Variants in LIMA1 observed in about 807,000 individuals in gnomAD.
LIMA1 encodes the protein LIM domain and actin-binding protein 1.
A neutral mutation model predicts 62.6 loss-of-function variants in LIMA1; 52 were observed. The observed-to-expected ratio is 0.83, with a 90% CI of 0.67 to 1.05. The LOEUF is 1.05. LIMA1 is among the 50% of genes least tolerant of loss of function. LIMA1 has a pLI of 0.00. For missense variants in LIMA1, 780 were observed against 902.2 expected (o/e 0.86, Z 1.74); for synonymous variants, 302 against 317.8 (o/e 0.95, Z 0.53).
intron 2 of LIMA1, among the ~76,000 whole-genome samples, chr12:50,242,702 C>G (rs1009865529): frequency 2.8e-4 from 42 of 152,180 alleles, no homozygotes; most frequent in Admixed American, 2.7e-3. Context: ...GTTTCAAGCT[C>G]TGCTAGCTGC....
chr12:50,210,438 A>G (rs953875066), intron 4 of LIMA1, among the ~76,000 whole-genome samples: 2 of 151,878 alleles, frequency 1.3e-5, no homozygotes, highest in Non-Finnish European at 2.9e-5. Context: ...AAAAAAAAGA[A>G]AAAAAGAAAA....
intron 1 of LIMA1, among the ~76,000 whole-genome samples, chr12:50,281,387 TC>T (rs1400306853): frequency 6.6e-6 from 1 of 152,158 alleles, no homozygotes. Context: ...GGAAAAAGTA[TC>T]CCCTGTCACC....
In LIMA1 at chr12:50,177,857, G is replaced by A. The variant is rs779652405; in HGVS notation, c.1487C>T (p.Ala496Val). The change falls in exon 11 of 11, where the codon GCC becomes GTC. Residue 496 changes from alanine to valine, a missense_variant. Ala to Val is a moderately conservative substitution (Grantham distance 64). Coordinates refer to ENST00000341247, the MANE Select transcript of LIMA1 (RefSeq NM_016357.5). The part of the protein sequence containing the change: ...ETPHSPGVED[A>V]PIAKVGVLAA... Reference sequence around the variant, plus strand: ...CAGGACACCCACCTTAGCAATAGGGGCATCTTCTACCCCTGGGCTGTGAGG... The same window carrying A: ...CAGGACACCCACCTTAGCAATAGGGACATCTTCTACCCCTGGGCTGTGAGG... 21 of 1,612,998 alleles carry A rather than the reference G, an allele frequency of 1.3e-5. No individual in the cohort carries two copies. The Middle Eastern group carries it at 6.6e-4, about 51-fold the overall frequency.
In LIMA1 at chr12:50,175,933, C is replaced by A. The variant is rs186892814; in HGVS notation, c.*1131G>T. 7.2e-5 allele frequency: 11 copies of A among 152,238 alleles called. No homozygotes were observed. Among genetic ancestry groups the A allele is most frequent in the African/African-American group, 2.6e-4 (11 of 41,554 alleles). 9.4% of individuals were successfully genotyped at this position (152,238 alleles called of 1,614,324 possible). A position where few individuals can be genotyped will look rare whatever the true frequency, so the allele number is the denominator to read the frequency against. The stretch of plus-strand genomic sequence containing the variant: ...AAGAAAAGCCTACAGCTTAAGACAC[C>A]TCTCCCTCCCATCCATACAATTTGG... On this transcript the variant is annotated 3_prime_UTR_variant, in exon 11 of 11. Coordinates refer to ENST00000341247, the MANE Select transcript of LIMA1 (RefSeq NM_016357.5).
chr12:50,222,008 G>A lies in LIMA1; in HGVS notation c.630+13C>T, dbSNP rs369371796. 2.1e-4 allele frequency: 341 copies of A among 1,593,834 alleles called. No homozygotes were observed. The highest frequency in any genetic ancestry group is 2.6e-4 in the Non-Finnish European group (305 of 1,169,868). On this transcript the variant is annotated intron_variant, in intron 4 of 10. Transcript: ENST00000341247. ...ATTGGCTTTCTCAAGTTTCAAACCC[G>A]CCCAATTCTTACCTTAGTTTGAGTT...
At chr12:50,188,749 T>G (rs1256226610) in intron 9 of LIMA1, 1 of 152,244 alleles carries the variant, frequency 6.6e-6, no homozygotes, top group Admixed American at 6.5e-5. Context: ...CCGTGGAACT[T>G]GAGTGGGGAG....
At chr12:50,211,793 A>AACACACAC (rs6144709) in intron 4 of LIMA1, among the ~76,000 whole-genome samples, 2,728 of 150,768 alleles carry the variant, frequency 0.018, 28 homozygotes, top group East Asian at 0.034. Flanking sequence ...AGGAACACAA[A>AACACACAC]ACACACACAC....
Position 50,225,910 on chromosome 12 carries a change from T to A in LIMA1, c.166-3425A>T, listed in dbSNP as rs1310633085. 3.3e-5 allele frequency among the ~76,000 whole-genome samples: 5 copies of A among 152,322 alleles called. No homozygotes were observed. The East Asian group carries it at 7.7e-4, about 23-fold the overall frequency. ...ATTACCATTCCCCCACTGATGAATA[T>A]ATGTATTGCTCAAAATTATTTGCCA... is the stretch of plus-strand genomic sequence containing the variant. On this transcript the variant is annotated intron_variant, in intron 3 of 10. Coordinates refer to ENST00000341247, the MANE Select transcript of LIMA1 (RefSeq NM_016357.5).
At chr12:50,195,550 C>T (rs1051676470) in intron 8 of LIMA1, 4 of 295,324 alleles carry the variant, frequency 1.4e-5, no homozygotes, top group East Asian at 5.7e-5. Flanking sequence ...TTAGTTTATA[C>T]AGCTTCAATT....
chr12:50,254,523 A>T (rs1342678654), intron 1 of LIMA1, among the ~76,000 whole-genome samples: 1 of 152,184 alleles, frequency 6.6e-6, no homozygotes, highest in Non-Finnish European at 1.5e-5. Context: ...TTATCAAACC[A>T]GGTAGCTTGA....
chr12:50,223,317 TA>T (rs887588699), intron 3 of LIMA1, among the ~76,000 whole-genome samples: 2 of 151,254 alleles, frequency 1.3e-5, no homozygotes, highest in African/African-American at 2.4e-5. Flanking sequence ...ACCCTGTCTC[TA>T]AAAAAAATAC....
chr12:50,228,975 A>T (rs1472758474), intron 3 of LIMA1, among the ~76,000 whole-genome samples: 1 of 151,376 alleles, frequency 6.6e-6, no homozygotes, highest in Non-Finnish European at 1.5e-5. Context: ...TTCTGCCTTG[A>T]CCTCCCAAAG....
intron 1 of LIMA1, among the ~76,000 whole-genome samples, chr12:50,275,592 A>C (rs1382721091): frequency 6.6e-6 from 1 of 152,184 alleles, no homozygotes; most frequent in Non-Finnish European, 1.5e-5. Context: ...AAATTAGAAA[A>C]GGCTTTTTTT....
At chr12:50,206,901 CAGG>C (rs1488390454) in intron 4 of LIMA1, among the ~76,000 whole-genome samples, 2 of 152,054 alleles carry the variant, frequency 1.3e-5, no homozygotes, top group African/African-American at 2.4e-5. Context: ...CATATATTTC[CAGG>C]ACTTACAGAA....
intron 3 of LIMA1, among the ~76,000 whole-genome samples, chr12:50,227,851 T>C (rs980200427): frequency 6.6e-6 from 1 of 151,514 alleles, no homozygotes; most frequent in Non-Finnish European, 1.5e-5. Context: ...GGTAATTTTT[T>C]TTTTCTTTTT....
At chr12:50,215,134 C>T (rs1347433419) in intron 4 of LIMA1, among the ~76,000 whole-genome samples, 1 of 152,182 alleles carries the variant, frequency 6.6e-6, no homozygotes, top group African/African-American at 2.4e-5. Context: ...GCCTTACTCT[C>T]TAAAGACTCA....
At chr12:50,206,107 A>G (rs748328745) in intron 4 of LIMA1, 39 bp from the exon 5 acceptor site, 2 of 1,551,132 alleles carry the variant, frequency 1.3e-6, no homozygotes, top group Non-Finnish European at 1.8e-6. Flanking sequence ...TGCAGAAACA[A>G]TGGGAAATCT....
intron 4 of LIMA1, among the ~76,000 whole-genome samples, chr12:50,220,841 T>TAC: frequency 6.6e-6 from 1 of 152,376 alleles, no homozygotes; most frequent in East Asian, 1.9e-4. Context: ...GCTTTGTGGT[T>TAC]ACATCTCTTG....
Position 50,280,303 on chromosome 12 carries a change from T to C in LIMA1, c.-24+3117A>G, listed in dbSNP as rs549490486. Among the ~76,000 whole-genome samples, 8 of 151,922 alleles carry C rather than the reference T, an allele frequency of 5.3e-5. No individual in the cohort carries two copies. The East Asian group carries it at 5.8e-4, about 11-fold the overall frequency. ...CCGAGTAGCTAGGACTACAGGCGCCTGCCACCACGCCCGGCTAATTTTGTT... is the reference window on the plus strand; with the variant it reads ...CCGAGTAGCTAGGACTACAGGCGCCCGCCACCACGCCCGGCTAATTTTGTT... On this transcript the variant is annotated intron_variant, in intron 1 of 10. Transcript: ENST00000341247.
Sources: allele counts gnomAD v4.1 joint callset (sites outside exome capture counted in the v4.1 genomes callset), GRCh38; gene constraint gnomAD v4.1.1; transcripts MANE v1.5; gene names NCBI Gene and HGNC (gene_info 2026-07-23, HGNC 2026-07-21).